The following EFCAB14 variants were observed in gnomAD, a reference collection of about 807,000 sequenced individuals.
EFCAB14 encodes the protein EF-hand calcium-binding domain-containing protein 14.
In EFCAB14, 43 loss-of-function variants were observed where a neutral mutation model predicts 56.5. That is an observed-to-expected ratio of 0.76 (90% confidence interval 0.60 to 0.98). The LOEUF is 0.98. EFCAB14 is among the 50% of genes least tolerant of loss of function. The pLI is 0.00. For synonymous variants in EFCAB14, 235 were observed against 212.9 expected (o/e 1.10, Z -0.90); for missense variants, 538 against 580.3 (o/e 0.93, Z 0.75).
chr1:46,687,002 T>C, intron 7 of EFCAB14, 132 bp from the exon 8 acceptor site: 2 of 788,162 alleles, frequency 2.5e-6, no homozygotes, highest in Non-Finnish European at 4.1e-6. Context: ...CAACAGAAAT[T>C]GCAGAGGAGT....
Position 46,686,808 on chromosome 1 carries a change from A to G in EFCAB14, c.1050T>C (p.Asp350=). Residue 350 remains aspartate, a synonymous_variant, in exon 8 of 11, where the codon GAT becomes GAC. Transcript: ENST00000371933. ...QSLDQVTNRT[D]TVKIQSIKKE... Reference sequence around the variant, plus strand: ...CCTTTATGCTTTGGATTTTTACTGTATCTGTTCTGTTGGTGACTTGATCCA... The same window carrying G: ...CCTTTATGCTTTGGATTTTTACTGTGTCTGTTCTGTTGGTGACTTGATCCA... 6.2e-7 allele frequency: 1 copy of G among 1,613,832 alleles called. No homozygotes were observed. The highest frequency in any genetic ancestry group is 8.5e-7 in the Non-Finnish European group (1 of 1,179,848).
intron 2 of EFCAB14, among the ~76,000 whole-genome samples, chr1:46,715,797 CAAAT>C (rs1332151097): frequency 6.6e-6 from 1 of 152,002 alleles, no homozygotes; most frequent in Non-Finnish European, 1.5e-5. Context: ...AGTTTAAAAA[CAAAT>C]AAGTGTTACA....
intron 2 of EFCAB14, among the ~76,000 whole-genome samples, chr1:46,715,619 C>T (rs1277879900): frequency 6.6e-6 from 1 of 151,942 alleles, no homozygotes; most frequent in East Asian, 1.9e-4. Context: ...GTCATTGCCA[C>T]TTTATGCTTG....
At position 46,677,154 on chromosome 1, in the gene EFCAB14, T is replaced by C. The variant is rs948364141; in HGVS notation, c.*1307A>G. 2 of 152,636 alleles carry C rather than the reference T, an allele frequency of 1.3e-5. No homozygotes were observed. Among genetic ancestry groups the C allele is most frequent in the Non-Finnish European group, 2.9e-5 (2 of 68,040 alleles). 9.5% of individuals were successfully genotyped at this position (152,636 alleles called of 1,614,324 possible). A position where few individuals can be genotyped will look rare whatever the true frequency, so the allele number is the denominator to read the frequency against. On this transcript the variant is annotated 3_prime_UTR_variant, in exon 11 of 11. Transcript: ENST00000371933. Reference sequence around the variant, plus strand: ...TATTATTCCTTTCAATCTAGGGATCTTTCATGCCAGGTCCACAGAAGCATT... The same window carrying C: ...TATTATTCCTTTCAATCTAGGGATCCTTCATGCCAGGTCCACAGAAGCATT...
chr1:46,707,755 C>A, intron 3 of EFCAB14, 151 bp downstream of exon 3: 1 of 656,364 alleles, frequency 1.5e-6, no homozygotes. Flanking sequence ...CTGACTTTAA[C>A]ATGCTGGGAT....
chr1:46,699,183 A>G (rs61633253), intron 3 of EFCAB14, among the ~76,000 whole-genome samples: 6,321 of 152,284 alleles, frequency 0.042, 421 homozygotes, highest in African/African-American at 0.14. Context: ...TGAGAAAAGG[A>G]TATCAATGCA....
In EFCAB14 at chr1:46,683,385, TG is replaced by T. The variant is rs763423562; in HGVS notation, c.1226del (p.Pro409GlnfsTer17). 2.5e-6 allele frequency: 4 copies of T among 1,614,124 alleles called. No individual in the cohort carries two copies. The South Asian group carries it at 4.4e-5, about 18-fold the overall frequency. On this transcript the variant is annotated frameshift_variant, in exon 10 of 11. Coordinates refer to ENST00000371933, the MANE Select transcript of EFCAB14 (RefSeq NM_014774.3). LOFTEE classifies it high-confidence loss of function. ...GGTCTCCAAGAAACTGTGAAAATTTTGGCAATGCTGATGGCTTTGATGTGAA... is the reference window on the plus strand; with the variant it reads ...GGTCTCCAAGAAACTGTGAAAATTTTGCAATGCTGATGGCTTTGATGTGAA... ...ESFTSKPSAL[P>X]KFSQFLGDPV...
Position 46,688,520 on chromosome 1 carries a change from A to C in EFCAB14, c.820T>G (p.Leu274Val). Residue 274 changes from leucine (L) to valine (V), a missense_variant, in exon 7 of 11, where the codon TTA becomes GTA. Physicochemically the swap from Leu to Val is conservative, Grantham distance 32. Transcript: ENST00000371933. The stretch of plus-strand genomic sequence containing the variant: ...ACTAGGGCACTGTTTACCTCCTCTA[A>C]AGAGTTGTGAAGGTACAGGATATCC... ...KQDILYLHNS[L>V]EEVNSALVGY... 6.2e-7 allele frequency: 1 copy of C among 1,613,422 alleles called. No individual in the cohort carries two copies. Among genetic ancestry groups the C allele is most frequent in the Non-Finnish European group, 8.5e-7 (1 of 1,179,646 alleles).
intron 5 of EFCAB14, 136 bp downstream of exon 5, chr1:46,691,691 A>G (rs1031599115): frequency 2.2e-5 from 12 of 534,032 alleles, no homozygotes; most frequent in Non-Finnish European, 3.6e-5. Context: ...ATTGTAGAAC[A>G]ATCAATGTAT....
At chr1:46,693,718 G>A (rs1203712212) in intron 4 of EFCAB14, among the ~76,000 whole-genome samples, 1 of 151,978 alleles carries the variant, frequency 6.6e-6, no homozygotes, top group East Asian at 1.9e-4. Flanking sequence ...TTCCCCTAAG[G>A]AAGCAACTGA....
At position 46,678,545 on chromosome 1, in the gene EFCAB14, T is replaced by G. The variant is rs767806460; in HGVS notation, c.1404A>C (p.Pro468=). Residue 468 remains proline (P), a synonymous_variant, in exon 11 of 11, where the codon CCA becomes CCC. Transcript: ENST00000371933. Reference sequence around the variant, plus strand: ...CAAATGCTCTCAAGCTCTCTGGTTCTGGCATAGCAGAACCTAGGGAGGTCC... The same window carrying G: ...CAAATGCTCTCAAGCTCTCTGGTTCGGGCATAGCAGAACCTAGGGAGGTCC... ...EIWTSLGSAM[P]EPESLRAFDS... The G allele has an allele frequency of 1.2e-6, 2 of 1,614,066 alleles. No individual in the cohort carries two copies. Among genetic ancestry groups the G allele is most frequent in the Non-Finnish European group, 1.7e-6 (2 of 1,180,028 alleles).
At chr1:46,707,139 C>A (rs1324998213) in intron 3 of EFCAB14, among the ~76,000 whole-genome samples, 1 of 152,196 alleles carries the variant, frequency 6.6e-6, no homozygotes, top group East Asian at 1.9e-4. Context: ...CAAGACAATA[C>A]CTTCTCAGCC....
At chr1:46,713,795 C>G (rs1162702734) in intron 2 of EFCAB14, among the ~76,000 whole-genome samples, 1 of 152,194 alleles carries the variant, frequency 6.6e-6, no homozygotes, top group Non-Finnish European at 1.5e-5. Flanking sequence ...ACGGCACAGA[C>G]AGGTGTCTTC....
chr1:46,712,344 A>G (rs1677321891), intron 2 of EFCAB14, among the ~76,000 whole-genome samples: 1 of 152,190 alleles, frequency 6.6e-6, no homozygotes. Context: ...GAGTGACAGA[A>G]AAGGATGGTT....
intron 3 of EFCAB14, among the ~76,000 whole-genome samples, chr1:46,705,120 C>T (rs181943731): frequency 6.6e-6 from 1 of 152,296 alleles, no homozygotes; most frequent in East Asian, 1.9e-4. Flanking sequence ...CCTCTGACTT[C>T]AACAGACCAT....
At chr1:46,689,766 G>T (rs1440788567) in intron 5 of EFCAB14, 75 bp from the exon 6 acceptor site, 3 of 1,297,564 alleles carry the variant, frequency 2.3e-6, no homozygotes, top group Non-Finnish European at 3.3e-6. Flanking sequence ...GATTGTCCTA[G>T]AACATTCTAG....
chr1:46,702,314 A>G (rs1677169972), intron 3 of EFCAB14, among the ~76,000 whole-genome samples: 1 of 152,182 alleles, frequency 6.6e-6, no homozygotes, highest in Non-Finnish European at 1.5e-5. Context: ...AAAACAGACA[A>G]TCATCAATGA....
intron 8 of EFCAB14, 66 bp downstream of exon 8, chr1:46,686,718 T>A: frequency 6.7e-7 from 1 of 1,489,640 alleles, no homozygotes; most frequent in Non-Finnish European, 9.3e-7. Flanking sequence ...AAAGTAGCAG[T>A]AGATCAAAAG....
At chr1:46,687,485 T>A (rs949200702) in intron 7 of EFCAB14, among the ~76,000 whole-genome samples, 1 of 152,212 alleles carries the variant, frequency 6.6e-6, no homozygotes, top group Non-Finnish European at 1.5e-5. Flanking sequence ...AAGGCTCCAC[T>A]GTGGCAGAGC....
Sources: gnomAD v4.1 joint callset for allele counts (sites outside exome capture counted in the v4.1 genomes callset) on GRCh38, gnomAD v4.1.1 for gene constraint, MANE v1.5 for transcripts, NCBI Gene and HGNC (gene_info 2026-07-23, HGNC 2026-07-21) for gene names.